The following VKORC1L1 variants were observed in gnomAD, a reference collection of about 807,000 sequenced individuals.
VKORC1L1 encodes vitamin K epoxide reductase complex subunit 1-like protein 1.
Under a neutral mutation model 18.9 loss-of-function variants are expected in VKORC1L1, and 2 were observed. The observed-to-expected ratio is 0.11, with a 90% CI of 0.04 to 0.33. The LOEUF (loss-of-function observed/expected upper bound fraction) is 0.33. VKORC1L1 is among the 10% of genes least tolerant of loss of function. VKORC1L1 has a pLI of 1.00. For missense variants in VKORC1L1, 123 were observed against 224.1 expected, an observed-to-expected ratio of 0.55 and a Z score of 2.88; for synonymous variants, 96 against 100.0, an observed-to-expected ratio of 0.96 and a Z score of 0.24.
At chr7:65,917,394 TAA>T (rs1789606426) in intron 1 of VKORC1L1, among the ~76,000 whole-genome samples, 1 of 152,216 alleles carries the variant, frequency 6.6e-6, no homozygotes, top group Non-Finnish European at 1.5e-5. Flanking sequence ...AGAATTCCTG[TAA>T]GTCTCTCCAT....
intron 1 of VKORC1L1, among the ~76,000 whole-genome samples, chr7:65,932,285 A>T (rs564182072): frequency 3.5e-4 from 53 of 152,130 alleles, no homozygotes; most frequent in African/African-American, 1.2e-3. Context: ...TTTGGTAGAG[A>T]CAGGGTTTCA....
intron 1 of VKORC1L1, among the ~76,000 whole-genome samples, chr7:65,919,097 ATAAG>A (rs773049811): frequency 6.6e-6 from 1 of 152,196 alleles, no homozygotes; most frequent in Non-Finnish European, 1.5e-5. Flanking sequence ...CAAAAAATAA[ATAAG>A]TAAAAATAAA....
At chr7:65,928,009 C>T (rs188828545) in intron 1 of VKORC1L1, among the ~76,000 whole-genome samples, 12 of 152,122 alleles carry the variant, frequency 7.9e-5, no homozygotes, top group South Asian at 6.2e-4. Context: ...TCTTTATTTC[C>T]GTGAAGGCTG....
intron 1 of VKORC1L1, among the ~76,000 whole-genome samples, chr7:65,927,064 A>T (rs1291170581): frequency 1.3e-5 from 2 of 152,154 alleles, no homozygotes; most frequent in Non-Finnish European, 2.9e-5. Flanking sequence ...AGAAGGGCAG[A>T]TCACTTGAGG....
chr7:65,890,203 T>A (rs1369871867), intron 1 of VKORC1L1, among the ~76,000 whole-genome samples: 1 of 149,766 alleles, frequency 6.7e-6, no homozygotes, highest in Non-Finnish European at 1.5e-5. Flanking sequence ...TGATCTCGGC[T>A]TACTGCAGCC....
intron 1 of VKORC1L1, among the ~76,000 whole-genome samples, chr7:65,907,787 G>A (rs1789429908): frequency 6.6e-6 from 1 of 152,162 alleles, no homozygotes; most frequent in African/African-American, 2.4e-5. Flanking sequence ...GGGAGTCTGA[G>A]ATTACAATCA....
At chr7:65,877,792 G>A (rs1051828361) in intron 1 of VKORC1L1, among the ~76,000 whole-genome samples, 11 of 152,176 alleles carry the variant, frequency 7.2e-5, no homozygotes, top group African/African-American at 2.4e-4. Context: ...AAAATAGTCT[G>A]GTTGTCCTAT....
rs537624674 is a variant in VKORC1L1 at position 65,886,525 on chromosome 7, G to GT, written c.194+12970dup. 1.9e-4 allele frequency among the ~76,000 whole-genome samples: 28 copies of GT among 148,820 alleles called. No homozygotes were observed. The South Asian group carries it at 2.4e-3, about 12-fold the overall frequency. On this transcript the variant is annotated intron_variant, in intron 1 of 2. Transcript: ENST00000360768. ...GAAGGTGCCTTTTGAGAAGGTGAGAGTTTTTTTTTTATTATTTTATTTATT... is the reference window on the plus strand; with the variant it reads ...GAAGGTGCCTTTTGAGAAGGTGAGAGTTTTTTTTTTTATTATTTTATTTATT...
chr7:65,878,626 T>C (rs557594099), intron 1 of VKORC1L1, among the ~76,000 whole-genome samples: 63 of 152,228 alleles, frequency 4.1e-4, no homozygotes, highest in Middle Eastern at 6.8e-3. Context: ...AATTCTTGGC[T>C]GGACGCAGTG....
At chr7:65,953,294 G>A (rs1790243111) in intron 2 of VKORC1L1, among the ~76,000 whole-genome samples, 1 of 152,150 alleles carries the variant, frequency 6.6e-6, no homozygotes, top group Non-Finnish European at 1.5e-5. Context: ...TCTCATTGTG[G>A]ATTTTTAATC....
At chr7:65,931,086 ATATAT>A (rs1789849283) in intron 1 of VKORC1L1, among the ~76,000 whole-genome samples, 1 of 152,018 alleles carries the variant, frequency 6.6e-6, no homozygotes, top group African/African-American at 2.4e-5. Flanking sequence ...CTTGGTCATG[ATATAT>A]TATCCTTTCT....
chr7:65,943,318 A>G (rs1790067180), intron 1 of VKORC1L1, among the ~76,000 whole-genome samples: 1 of 152,252 alleles, frequency 6.6e-6, no homozygotes, highest in African/African-American at 2.4e-5. Flanking sequence ...GAGAGAAACC[A>G]GTAAAATGAG....
At chr7:65,887,323 TTAGA>T (rs888706111) in intron 1 of VKORC1L1, among the ~76,000 whole-genome samples, 107 of 152,258 alleles carry the variant, frequency 7.0e-4, no homozygotes, top group African/African-American at 2.5e-3. Flanking sequence ...TTGATCTATA[TTAGA>T]TAAATACATA....
chr7:65,933,077 C>CAA lies in VKORC1L1; in HGVS notation c.195-15572_195-15571dup, dbSNP rs59403784. 5.6e-3 allele frequency among the ~76,000 whole-genome samples: 363 copies of CAA among 64,578 alleles called. 3 individuals carry two copies. The highest frequency in any genetic ancestry group is 0.012 in the African/African-American group (199 of 17,018). The allele number at this position is 64,578 out of a possible 152,430, so 42.4% of individuals were successfully genotyped here. A position where few individuals can be genotyped will look rare whatever the true frequency, so the allele number is the denominator to read the frequency against. On this transcript the variant is annotated intron_variant, in intron 1 of 2. Transcript: ENST00000360768. The stretch of plus-strand genomic sequence containing the variant: ...TGGGCAACAGAATAAGACTTCGTCT[C>CAA]AAAAAAAAAAAAAAAAAAAAAAAGT...
At chr7:65,910,058 T>C (rs749448477) in intron 1 of VKORC1L1, among the ~76,000 whole-genome samples, 5 of 152,088 alleles carry the variant, frequency 3.3e-5, no homozygotes, top group African/African-American at 4.8e-5. Flanking sequence ...AAAAGCCTGT[T>C]GCTTTCCTTC....
At chr7:65,888,484 A>G (rs1789051639) in intron 1 of VKORC1L1, among the ~76,000 whole-genome samples, 2 of 152,006 alleles carry the variant, frequency 1.3e-5, no homozygotes, top group Non-Finnish European at 2.9e-5. Context: ...TCTTCCCCAC[A>G]TTTCACTCCT....
At chr7:65,925,214 A>G (rs1583852320) in intron 1 of VKORC1L1, among the ~76,000 whole-genome samples, 2 of 152,204 alleles carry the variant, frequency 1.3e-5, no homozygotes, top group East Asian at 3.8e-4. Flanking sequence ...CAACTCAGTC[A>G]TCTGTTCTTC....
chr7:65,920,229 T>A (rs922523443), intron 1 of VKORC1L1, among the ~76,000 whole-genome samples: 1 of 152,076 alleles, frequency 6.6e-6, no homozygotes, highest in Non-Finnish European at 1.5e-5. Context: ...TTTCCCTGCT[T>A]TGTTTCTGTT....
intron 1 of VKORC1L1, among the ~76,000 whole-genome samples, chr7:65,902,851 TTTTATTTATTTA>T (rs147563570): frequency 4.0e-5 from 6 of 151,198 alleles, no homozygotes; most frequent in East Asian, 2.0e-4. Context: ...ACATCTTTAA[TTTTATTTATTTA>T]TTTATTTATT....
Sources: gnomAD v4.1 joint callset for allele counts (sites outside exome capture counted in the v4.1 genomes callset) on GRCh38, gnomAD v4.1.1 for gene constraint, MANE v1.5 for transcripts, NCBI Gene and HGNC (gene_info 2026-07-23, HGNC 2026-07-21) for gene names.